COL26A1: variants seen among roughly 807,000 people sequenced by gnomAD.
The protein encoded by COL26A1 is collagen type XXVI alpha 1 chain.
A neutral mutation model predicts 59.3 loss-of-function variants in COL26A1; 41 were observed. That is an observed-to-expected ratio of 0.69 (90% CI 0.54 to 0.90). The LOEUF is 0.90. Among genes scored for constraint, COL26A1 ranks in the 40% least tolerant of loss-of-function variants. The probability of loss-of-function intolerance (pLI) is 0.00; values close to 1 mark genes in which losing one functional copy is unlikely to be tolerated. For synonymous variants in COL26A1, 266 were observed against 256.0 expected, an observed-to-expected ratio of 1.04 and a Z score of -0.37; for missense variants, 612 against 602.3, an observed-to-expected ratio of 1.02 and a Z score of -0.17.
At chr7:101,370,941 T>C (rs767172400) in intron 1 of COL26A1, among the ~76,000 whole-genome samples, 1 of 140,600 alleles carries the variant, frequency 7.1e-6, no homozygotes, top group Non-Finnish European at 1.5e-5. Context: ...TCTGTGATTG[T>C]GGTTTTGGTT....
intron 3 of COL26A1, among the ~76,000 whole-genome samples, chr7:101,495,937 T>A (rs1350147757): frequency 2.0e-5 from 3 of 150,872 alleles, no homozygotes; most frequent in African/African-American, 2.4e-5. Flanking sequence ...CTACAAAAAA[T>A]AAAAAAAATT....
chr7:101,382,165 C>G (rs185935848), intron 1 of COL26A1, among the ~76,000 whole-genome samples: 3 of 152,174 alleles, frequency 2.0e-5, no homozygotes, highest in Non-Finnish European at 4.4e-5. Flanking sequence ...CCTCCTGCCT[C>G]AGCCTCTTGA....
chr7:101,530,391 A>G (rs1795339089), intron 3 of COL26A1, among the ~76,000 whole-genome samples: 1 of 151,550 alleles, frequency 6.6e-6, no homozygotes, highest in Admixed American at 6.6e-5. Flanking sequence ...CAACATGGTA[A>G]AACCCCGTCT....
chr7:101,362,534 C>T (rs1353767865), upstream of COL26A1, among the ~76,000 whole-genome samples: 1 of 152,222 alleles, frequency 6.6e-6, no homozygotes, highest in African/African-American at 2.4e-5. Flanking sequence ...TCAGTTTCCA[C>T]TTCTGAATGG....
At chr7:101,518,578 G>A (rs1024238498) in intron 3 of COL26A1, among the ~76,000 whole-genome samples, 1 of 152,196 alleles carries the variant, frequency 6.6e-6, no homozygotes, top group Non-Finnish European at 1.5e-5. Context: ...CCAGCTTTGC[G>A]GGGCCCTGGA....
chr7:101,517,798 A>ATTTTTTTTTTTTTTT (rs869245512), intron 3 of COL26A1, among the ~76,000 whole-genome samples: 1 of 76,892 alleles, frequency 1.3e-5, no homozygotes, highest in African/African-American at 4.7e-5. Context: ...TTCTCCCCGC[A>ATTTTTTTTTTTTTTT]TTTTTTTTTT....
At chr7:101,549,136 T>A (rs1795806228) in intron 8 of COL26A1, 35 bp from the exon 9 acceptor site, 23 of 1,395,756 alleles carry the variant, frequency 1.6e-5, no homozygotes, top group Non-Finnish European at 2.3e-5. Flanking sequence ...GCCCCCTCTC[T>A]GGCCCCAGGT....
intron 3 of COL26A1, among the ~76,000 whole-genome samples, chr7:101,461,773 T>C (rs1793619130): frequency 6.6e-6 from 1 of 152,130 alleles, no homozygotes; most frequent in African/African-American, 2.4e-5. Context: ...CTTTGGTCAA[T>C]GTTATCAATC....
chr7:101,434,398 C>A (rs1792864577), intron 2 of COL26A1, among the ~76,000 whole-genome samples: 1 of 151,530 alleles, frequency 6.6e-6, no homozygotes, highest in Admixed American at 6.6e-5. Context: ...GGACTACAGG[C>A]ACACGCCACC....
chr7:101,419,907 C>T lies in COL26A1; in HGVS notation c.159-70C>T, dbSNP rs890824216. The stretch of plus-strand genomic sequence containing the variant: ...TGCGGGGGCCCCTCCCTGTCCAGCA[C>T]GGCCCCCTGACCCGAAGTTGGCAGC... On this transcript the variant is annotated intron_variant, in intron 1 of 12. Coordinates refer to ENST00000313669, the MANE Select transcript of COL26A1 (RefSeq NM_001278563.3). 1.2e-5 allele frequency: 18 copies of T among 1,561,978 alleles called. No individual in the cohort carries two copies. In the East Asian group the frequency reaches 1.4e-4, roughly 12 times the overall value.
intron 3 of COL26A1, among the ~76,000 whole-genome samples, chr7:101,520,627 G>GACACACACACACACACACAC (rs1250474937): frequency 3.4e-5 from 3 of 88,956 alleles, no homozygotes; most frequent in Admixed American, 1.0e-4. Flanking sequence ...GACAAGCACA[G>GACACACACACACACACACAC]ACACATACAC....
chr7:101,553,187 C>T (rs1426871176), intron 10 of COL26A1, 139 bp from the exon 11 acceptor site: 6 of 701,586 alleles, frequency 8.6e-6, no homozygotes, highest in Non-Finnish European at 9.9e-6. Context: ...GGCAGGAGTC[C>T]CCTGGGCCCA....
chr7:101,502,633 TG>T (rs1794728921), intron 3 of COL26A1, among the ~76,000 whole-genome samples: 1 of 141,376 alleles, frequency 7.1e-6, no homozygotes. Flanking sequence ...GGAGCCCCAC[TG>T]TCAGGGGGGA....
At chr7:101,473,008 T>TTC (rs1434098838) in intron 3 of COL26A1, among the ~76,000 whole-genome samples, 1 of 152,190 alleles carries the variant, frequency 6.6e-6, no homozygotes, top group African/African-American at 2.4e-5. Flanking sequence ...TGGAGTTTTC[T>TTC]TCTTTTTTTC....
chr7:101,453,616 A>C (rs999530325), intron 3 of COL26A1, among the ~76,000 whole-genome samples: 1 of 152,132 alleles, frequency 6.6e-6, no homozygotes, highest in African/African-American at 2.4e-5. Flanking sequence ...TTTAGGGTTA[A>C]GTGACTCTTC....
chr7:101,403,191 CAG>C (rs1286196565), intron 1 of COL26A1, among the ~76,000 whole-genome samples: 1 of 152,130 alleles, frequency 6.6e-6, no homozygotes, highest in Non-Finnish European at 1.5e-5. Flanking sequence ...GAGATGGTTT[CAG>C]GGGACAATAG....
chr7:101,404,542 C>T (rs1407987532), intron 1 of COL26A1, among the ~76,000 whole-genome samples: 23 of 152,278 alleles, frequency 1.5e-4, no homozygotes, highest in Admixed American at 1.3e-3. Flanking sequence ...AAGACAATAG[C>T]ACCGATATGA....
At chr7:101,439,664 C>CAGGCAGAG (rs1793003687) in intron 2 of COL26A1, among the ~76,000 whole-genome samples, 1 of 151,732 alleles carries the variant, frequency 6.6e-6, no homozygotes, top group Non-Finnish European at 1.5e-5. Context: ...CAGATCAAAG[C>CAGGCAGAG]AGGCAGAGCC....
At position 101,531,776 on chromosome 7, in the gene COL26A1, G is replaced by GT. The variant is rs113708597; in HGVS notation, c.386-1295dup. ...GCAGAGGAATCGCCCTTTGTTTTTTGTTTTTTTTTTTAAGGACAGGGAACA... is the reference window on the plus strand; with the variant it reads ...GCAGAGGAATCGCCCTTTGTTTTTTGTTTTTTTTTTTTAAGGACAGGGAACA... On this transcript the variant is annotated intron_variant, in intron 3 of 12. Transcript: ENST00000313669. Among the ~76,000 whole-genome samples the GT allele has an allele frequency of 6.1e-3, 874 of 144,412 alleles. 2 individuals carry two copies. Among genetic ancestry groups the GT allele is most frequent in the Non-Finnish European group, 8.1e-3 (529 of 65,326 alleles). 94.7% of individuals were successfully genotyped at this position (144,412 alleles called of 152,430 possible).
Sources: allele counts gnomAD v4.1 joint callset (sites outside exome capture counted in the v4.1 genomes callset), GRCh38; gene constraint gnomAD v4.1.1; transcripts MANE v1.5; gene names NCBI Gene and HGNC (gene_info 2026-07-23, HGNC 2026-07-21).